The following PLCE1 variants were observed in gnomAD, a reference collection of about 807,000 sequenced individuals.
PLCE1 encodes the protein phospholipase C epsilon 1.
PLCE1 carries 119 observed loss-of-function variants against 242.8 expected under a neutral mutation model. The observed-to-expected ratio is 0.49, with a 90% CI of 0.42 to 0.57. The LOEUF (loss-of-function observed/expected upper bound fraction) is 0.57. Among genes scored for constraint, PLCE1 ranks in the 20% least tolerant of loss-of-function variants. PLCE1 has a pLI of 0.00. For synonymous variants in PLCE1, 945 were observed against 1,017.4 expected (o/e 0.93, Z 1.35); for missense variants, 2,441 against 2,788.8 (o/e 0.88, Z 2.81).
intron 3 of PLCE1, among the ~76,000 whole-genome samples, chr10:94,160,320 A>G (rs1008197259): frequency 3.9e-5 from 6 of 152,156 alleles, no homozygotes; most frequent in East Asian, 1.9e-4. Context: ...TCTAACTGGT[A>G]TGAGATGGTA....
chr10:94,097,670 T>C (rs1345575609), intron 2 of PLCE1, among the ~76,000 whole-genome samples: 2 of 152,176 alleles, frequency 1.3e-5, no homozygotes, highest in African/African-American at 4.8e-5. Context: ...TCAAAATGGG[T>C]GATTCCAAGT....
At chr10:94,085,336 A>AAGG (rs1413298374) in intron 2 of PLCE1, among the ~76,000 whole-genome samples, 1 of 152,080 alleles carries the variant, frequency 6.6e-6, no homozygotes, top group Non-Finnish European at 1.5e-5. Flanking sequence ...AGAAAAAGAC[A>AAGG]AGGAGGAGGA....
At chr10:94,068,599 T>A (rs986626990) in intron 2 of PLCE1, among the ~76,000 whole-genome samples, 2 of 152,168 alleles carry the variant, frequency 1.3e-5, no homozygotes, top group African/African-American at 4.8e-5. Flanking sequence ...CAATGTCCCA[T>A]GGATACCGAG....
chr10:94,291,356 A>G (rs1280733610), intron 22 of PLCE1, among the ~76,000 whole-genome samples: 1 of 152,178 alleles, frequency 6.6e-6, no homozygotes, highest in Non-Finnish European at 1.5e-5. Context: ...AGCTTTAGTC[A>G]TGTCAGATGT....
chr10:94,232,122 G>A (rs374833928), intron 5 of PLCE1, among the ~76,000 whole-genome samples: 21 of 152,198 alleles, frequency 1.4e-4, no homozygotes, highest in Admixed American at 3.9e-4. Flanking sequence ...GTCTGGTGAG[G>A]GAAGAATAGA....
intron 29 of PLCE1, among the ~76,000 whole-genome samples, chr10:94,320,243 T>C (rs1292759382): frequency 6.6e-6 from 1 of 152,036 alleles, no homozygotes; most frequent in Admixed American, 6.5e-5. Flanking sequence ...AAAGAGACAA[T>C]AGCTCATCTC....
At chr10:94,085,796 G>A (rs1437263151) in intron 2 of PLCE1, among the ~76,000 whole-genome samples, 1 of 152,146 alleles carries the variant, frequency 6.6e-6, no homozygotes, top group Non-Finnish European at 1.5e-5. Flanking sequence ...AGCCTGTCAC[G>A]AGCAGGCTGA....
chr10:94,037,864 T>C (rs1344760640), intron 2 of PLCE1, among the ~76,000 whole-genome samples: 1 of 152,174 alleles, frequency 6.6e-6, no homozygotes, highest in Non-Finnish European at 1.5e-5. Flanking sequence ...CAGTGTAAGG[T>C]AAATGCACTG....
chr10:94,092,613 A>G (rs2045123202), intron 2 of PLCE1, among the ~76,000 whole-genome samples: 2 of 152,108 alleles, frequency 1.3e-5, no homozygotes, highest in African/African-American at 2.4e-5. Context: ...TAAAGCAAAA[A>G]TAAGAGAGAC....
At chr10:94,157,225 G>A (rs1227775478) in intron 3 of PLCE1, among the ~76,000 whole-genome samples, 3 of 152,266 alleles carry the variant, frequency 2.0e-5, no homozygotes, top group Admixed American at 1.3e-4. Context: ...ATATGACTGA[G>A]TCTCCTCGTC....
chr10:94,033,865 A>G (rs1159096264), intron 2 of PLCE1, among the ~76,000 whole-genome samples: 1 of 152,188 alleles, frequency 6.6e-6, no homozygotes, highest in Non-Finnish European at 1.5e-5. Context: ...CTAGAGAAAC[A>G]TCATTTTTAT....
chr10:94,313,110 G>C (rs2053440413), intron 27 of PLCE1, 144 bp from the exon 28 acceptor site: 2 of 857,310 alleles, frequency 2.3e-6, no homozygotes, highest in Non-Finnish European at 3.8e-6. Context: ...GGTACCATTT[G>C]TAGCACTAGG....
At chr10:94,235,851 C>G in intron 6 of PLCE1, 64 bp from the exon 7 acceptor site, 1 of 1,520,784 alleles carries the variant, frequency 6.6e-7, no homozygotes, top group Non-Finnish European at 9.1e-7. Context: ...TTTCATTTCC[C>G]TAGCCAAGTA....
chr10:94,035,952 CT>C (rs1344722705), intron 2 of PLCE1, among the ~76,000 whole-genome samples: 5 of 152,108 alleles, frequency 3.3e-5, no homozygotes, highest in Non-Finnish European at 7.4e-5. Context: ...GAAATAAGTT[CT>C]GCATTATTTT....
intron 1 of PLCE1, among the ~76,000 whole-genome samples, chr10:94,015,882 A>C (rs1305814912): frequency 6.6e-6 from 1 of 152,194 alleles, no homozygotes; most frequent in Non-Finnish European, 1.5e-5. Context: ...CCCTTTGATA[A>C]ATATCAATTA....
intron 7 of PLCE1, among the ~76,000 whole-genome samples, chr10:94,239,298 C>T (rs376569337): frequency 4.9e-4 from 74 of 152,274 alleles, no homozygotes; most frequent in African/African-American, 1.6e-3. Context: ...ATCACGGGGG[C>T]GGTTTCTCCC....
At chr10:94,070,408 AC>A (rs1205318240) in intron 2 of PLCE1, among the ~76,000 whole-genome samples, 2 of 152,054 alleles carry the variant, frequency 1.3e-5, no homozygotes, top group East Asian at 3.9e-4. Context: ...CTGCTATTCC[AC>A]TCACTGAACC....
intron 4 of PLCE1, among the ~76,000 whole-genome samples, chr10:94,185,357 A>G (rs1785846679): frequency 6.6e-6 from 1 of 152,214 alleles, no homozygotes; most frequent in Non-Finnish European, 1.5e-5. Context: ...TTAGCCAGGC[A>G]TGGTAGTGTG....
chr10:94,020,284 C>A (rs2061353704), intron 1 of PLCE1, among the ~76,000 whole-genome samples: 1 of 152,100 alleles, frequency 6.6e-6, no homozygotes, highest in Non-Finnish European at 1.5e-5. Context: ...TACTTATAGA[C>A]CATCTGTATT....
Sources: allele counts gnomAD v4.1 joint callset (sites outside exome capture counted in the v4.1 genomes callset), GRCh38; gene constraint gnomAD v4.1.1; transcripts MANE v1.5; gene names NCBI Gene and HGNC (gene_info 2026-07-23, HGNC 2026-07-21).